ASB18: variants seen among roughly 807,000 people sequenced by gnomAD.
The protein encoded by ASB18 is ankyrin repeat and SOCS box protein 18.
ASB18 carries 33 observed loss-of-function variants against 33.4 expected under a neutral mutation model. The observed-to-expected ratio is 0.99, with a 90% CI of 0.75 to 1.32. The LOEUF is 1.32. Among genes scored for constraint, ASB18 ranks in the 40% most tolerant of loss-of-function variants. ASB18 has a pLI of 0.00. For synonymous variants in ASB18, 295 were observed against 307.6 expected (o/e 0.96, Z 0.43); for missense variants, 694 against 655.5 (o/e 1.06, Z -0.64).
At position 236,211,908 on chromosome 2, in the gene ASB18, A is replaced by G. The variant is rs532229924; in HGVS notation, c.1101+2454T>C. On this transcript the variant is annotated intron_variant, in intron 4 of 5. Transcript: ENST00000409749. This position sits in a 1 kb window ranked among gnomAD's most constrained non-coding sequence, Gnocchi z 5.0. The stretch of plus-strand genomic sequence containing the variant: ...GAGGTGTGGGGGAATCCCAGTGCAA[A>G]AAGGTGGAATCCTTATTTCCAAAGA... Among the ~76,000 whole-genome samples, 1 of 152,200 alleles carries G rather than the reference A, an allele frequency of 6.6e-6. No homozygotes were observed. Among genetic ancestry groups the G allele is most frequent in the African/African-American group, 2.4e-5 (1 of 41,538 alleles).
At chr2:236,197,823 A>AG (rs2060381508) in intron 4 of ASB18, among the ~76,000 whole-genome samples, 3 of 49,778 alleles carry the variant, frequency 6.0e-5, no homozygotes, top group African/African-American at 1.1e-3. Context: ...ACTCAGTCTC[A>AG]AAAAAAAAAA....
chr2:236,241,144 T>A lies in ASB18; in HGVS notation c.328+136A>T. Reference sequence around the variant, plus strand: ...AACCTACACTTTACTGCGAGCAAACTTCATCAGATGTCCTTTTCTTGTGTA... The same window carrying A: ...AACCTACACTTTACTGCGAGCAAACATCATCAGATGTCCTTTTCTTGTGTA... On this transcript the variant is annotated intron_variant, in intron 2 of 5. Coordinates refer to ENST00000409749, the MANE Select transcript of ASB18 (RefSeq NM_212556.4). The surrounding 1 kb of genome is among the most constrained non-coding windows in gnomAD (Gnocchi z 4.2). 1 of 892,930 alleles carries A rather than the reference T, an allele frequency of 1.1e-6. No individual in the cohort carries two copies. Among genetic ancestry groups the A allele is most frequent in the East Asian group, 2.4e-5 (1 of 41,228 alleles). 55.3% of individuals were successfully genotyped at this position (892,930 alleles called of 1,614,324 possible).
In ASB18 at chr2:236,248,033, C is replaced by G. The variant is rs13416480; in HGVS notation, c.206-6631G>C. On this transcript the variant is annotated intron_variant, in intron 1 of 5. Coordinates refer to ENST00000409749, the MANE Select transcript of ASB18 (RefSeq NM_212556.4). This position sits in a 1 kb window ranked among gnomAD's most constrained non-coding sequence, Gnocchi z 4.9. ...GACAGGGTTATCATAAATATGCAGA[C>G]GGGGTGTAGGCAGCAACATGCAATG... The G allele has an allele frequency of 6.6e-6, 1 of 151,946 alleles. No homozygotes were observed. Among genetic ancestry groups the G allele is most frequent in the Non-Finnish European group, 1.5e-5 (1 of 68,002 alleles). The allele number at this position is 151,946 out of a possible 1,614,324, so 9.4% of individuals were successfully genotyped here.
In ASB18 at chr2:236,263,228, G is replaced by T. The variant is rs368878895; in HGVS notation, c.205+913C>A. Among the ~76,000 whole-genome samples the T allele has an allele frequency of 6.6e-6, 1 of 152,198 alleles. No individual in the cohort carries two copies. The highest frequency in any genetic ancestry group is 2.4e-5 in the African/African-American group (1 of 41,426). Reference sequence around the variant, plus strand: ...AACAAAGGGATGATGTCTATGTTACGTGAAGAAGTCCTACAAAATGATAAA... The same window carrying T: ...AACAAAGGGATGATGTCTATGTTACTTGAAGAAGTCCTACAAAATGATAAA... On this transcript the variant is annotated intron_variant, in intron 1 of 5. Transcript: ENST00000409749. The surrounding 1 kb of genome is among the most constrained non-coding windows in gnomAD (Gnocchi z 4.0).
In ASB18 at chr2:236,256,409, A is replaced by G. The variant is rs575842339; in HGVS notation, c.205+7732T>C. On this transcript the variant is annotated intron_variant, in intron 1 of 5. Coordinates refer to ENST00000409749, the MANE Select transcript of ASB18 (RefSeq NM_212556.4). The surrounding 1 kb of genome is among the most constrained non-coding windows in gnomAD (Gnocchi z 4.7). ...GTCCCTGTCCAATATCCAGGTGCAG[A>G]GGTTGGCATTAAAAGATAGTGGGGC... Among the ~76,000 whole-genome samples, 42 of 152,280 alleles carry G rather than the reference A, an allele frequency of 2.8e-4. 1 individual carries two copies. Among genetic ancestry groups the G allele is most frequent in the Middle Eastern group, 6.8e-3 (2 of 294 alleles).
rs140838356 is a variant in ASB18, at chr2:236,262,615, C to T, written c.205+1526G>A. On this transcript the variant is annotated intron_variant, in intron 1 of 5. Transcript: ENST00000409749. The surrounding 1 kb of genome is among the most constrained non-coding windows in gnomAD (Gnocchi z 5.2). ...TCAGCCTCGGGGGGGTGCTTGGGCA[C>T]GGTGGGCCTAAAGGGTGAATGCAAG... Among the ~76,000 whole-genome samples the T allele has an allele frequency of 1.9e-3, 286 of 152,310 alleles. No homozygotes were observed. Among genetic ancestry groups the T allele is most frequent in the Non-Finnish European group, 2.9e-3 (196 of 68,020 alleles).
chr2:236,258,901 G>T (rs1402503105), intron 1 of ASB18, among the ~76,000 whole-genome samples: 1 of 152,114 alleles, frequency 6.6e-6, no homozygotes, highest in Non-Finnish European at 1.5e-5. Context: ...AATTCAAGTA[G>T]CATCTTGACT....
At position 236,196,322 on chromosome 2, in the gene ASB18, G is replaced by A. The variant is rs2060373453; in HGVS notation, c.1165C>T (p.Leu389Phe). 1.9e-6 allele frequency: 3 copies of A among 1,566,330 alleles called. No homozygotes were observed. The highest frequency in any genetic ancestry group is 2.7e-5 in the African/African-American group (2 of 73,598). Reference sequence around the variant, plus strand: ...TCCTTCCAGGACTCTGACAAGCAGAGCTGAGGGTAGGAGTTGAAAAGCACC... The same window carrying A: ...TCCTTCCAGGACTCTGACAAGCAGAACTGAGGGTAGGAGTTGAAAAGCACC... The part of the protein sequence containing the change: ...IEVLFNSYPQ[L>F]CLSESWKEVI... Residue 389 changes from leucine to phenylalanine, a missense_variant, in exon 5 of 6, where the codon CTC (leucine) becomes TTC (phenylalanine). Leu to Phe is a conservative substitution (Grantham distance 22). Transcript: ENST00000409749. This position sits in a 1 kb window ranked among gnomAD's most constrained non-coding sequence, Gnocchi z 5.6.
At chr2:236,254,517 G>A (rs1306157233) in intron 1 of ASB18, among the ~76,000 whole-genome samples, 1 of 151,726 alleles carries the variant, frequency 6.6e-6, no homozygotes, top group Non-Finnish European at 1.5e-5. Context: ...ACGTTTGGTA[G>A]TTATTTCTTT....
intron 3 of ASB18, among the ~76,000 whole-genome samples, chr2:236,224,960 G>GGAAA (rs2106273690): frequency 6.6e-6 from 1 of 152,196 alleles, no homozygotes; most frequent in African/African-American, 2.4e-5. Context: ...CCTGGGATGT[G>GGAAA]GAAAGAATGT....
intron 4 of ASB18, among the ~76,000 whole-genome samples, chr2:236,202,765 G>A (rs1287209969): frequency 1.6e-5 from 2 of 123,074 alleles, no homozygotes; most frequent in Non-Finnish European, 1.6e-5. Flanking sequence ...GCGACAGAGT[G>A]AGACTCCGTC....
intron 3 of ASB18, among the ~76,000 whole-genome samples, chr2:236,224,903 A>G (rs2060530303): frequency 6.6e-6 from 1 of 152,164 alleles, no homozygotes; most frequent in African/African-American, 2.4e-5. Context: ...GTCCTATCAA[A>G]CAAGACCATG....
Position 236,211,887 on chromosome 2 carries a change from T to C in ASB18, c.1101+2475A>G, listed in dbSNP as rs1559329306. ...CAGGTGTAGGGGTACCCACTGGAGGTGTGGGGGAATCCCAGTGCAAAAAGG... is the reference window on the plus strand; with the variant it reads ...CAGGTGTAGGGGTACCCACTGGAGGCGTGGGGGAATCCCAGTGCAAAAAGG... On this transcript the variant is annotated intron_variant, in intron 4 of 5. Transcript: ENST00000409749. This position sits in a 1 kb window ranked among gnomAD's most constrained non-coding sequence, Gnocchi z 5.0. Among the ~76,000 whole-genome samples the C allele has an allele frequency of 6.6e-6, 1 of 151,958 alleles. No homozygotes were observed. Among genetic ancestry groups the C allele is most frequent in the Non-Finnish European group, 1.5e-5 (1 of 67,988 alleles).
At chr2:236,258,795 A>G (rs1469014579) in intron 1 of ASB18, among the ~76,000 whole-genome samples, 2 of 152,156 alleles carry the variant, frequency 1.3e-5, no homozygotes, top group Non-Finnish European at 2.9e-5. Flanking sequence ...TCTCTTAATA[A>G]AAACTCAATT....
At position 236,256,299 on chromosome 2, in the gene ASB18, T is replaced by G. The variant is rs568002961; in HGVS notation, c.205+7842A>C. Among the ~76,000 whole-genome samples the G allele has an allele frequency of 6.6e-6, 1 of 152,168 alleles. No homozygotes were observed. Among genetic ancestry groups the G allele is most frequent in the African/African-American group, 2.4e-5 (1 of 41,512 alleles). On this transcript the variant is annotated intron_variant, in intron 1 of 5. Coordinates refer to ENST00000409749, the MANE Select transcript of ASB18 (RefSeq NM_212556.4). This position sits in a 1 kb window ranked among gnomAD's most constrained non-coding sequence, Gnocchi z 4.7. ...ACCTTAGCCTCCCAAAGTGCTGGGG[T>G]TACAGGCATGAACCACCATGCCCGG...
intron 4 of ASB18, among the ~76,000 whole-genome samples, chr2:236,201,980 C>T (rs2060405552): frequency 6.6e-6 from 1 of 151,304 alleles, no homozygotes; most frequent in Non-Finnish European, 1.5e-5. Context: ...GACAGAGCCT[C>T]ACTCTGTCAC....
chr2:236,220,172 T>TG lies in ASB18; in HGVS notation c.597-5307dup, dbSNP rs2060504304. On this transcript the variant is annotated intron_variant, in intron 3 of 5. Transcript: ENST00000409749. This position sits in a 1 kb window ranked among gnomAD's most constrained non-coding sequence, Gnocchi z 5.1. The stretch of plus-strand genomic sequence containing the variant: ...GTCATTCCAATTCATGTCTATGGGG[T>TG]GGGGGGATGTGGGACTTTGGCCACT... 6.6e-6 allele frequency among the ~76,000 whole-genome samples: 1 copy of TG among 152,104 alleles called. No homozygotes were observed. The highest frequency in any genetic ancestry group is 1.5e-5 in the Non-Finnish European group (1 of 68,016).
Position 236,214,322 on chromosome 2 carries a change from A to G in ASB18, c.1101+40T>C. On this transcript the variant is annotated intron_variant, in intron 4 of 5. Coordinates refer to ENST00000409749, the MANE Select transcript of ASB18 (RefSeq NM_212556.4). This position sits in a 1 kb window ranked among gnomAD's most constrained non-coding sequence, Gnocchi z 6.5. ...CCCAGGCCGGTCACTAAGTGGCAAA[A>G]CTCCAGGGCACGTGCCAGCCGGGCT... is the stretch of plus-strand genomic sequence containing the variant. 6.5e-7 allele frequency: 1 copy of G among 1,538,272 alleles called. No individual in the cohort carries two copies. The highest frequency in any genetic ancestry group is 8.7e-7 in the Non-Finnish European group (1 of 1,145,692).
Position 236,257,816 on chromosome 2 carries a change from G to A in ASB18, c.205+6325C>T, listed in dbSNP as rs2060699990. Among the ~76,000 whole-genome samples the A allele has an allele frequency of 6.6e-6, 1 of 152,176 alleles. No homozygotes were observed. Among genetic ancestry groups the A allele is most frequent in the Admixed American group, 6.5e-5 (1 of 15,280 alleles). On this transcript the variant is annotated intron_variant, in intron 1 of 5. Transcript: ENST00000409749. This position sits in a 1 kb window ranked among gnomAD's most constrained non-coding sequence, Gnocchi z 5.5. Reference sequence around the variant, plus strand: ...ACAGGTGCCGTGGAGCACGGGAAAGGGCACTGGGTTTACAGTGCCAATTGT... The same window carrying A: ...ACAGGTGCCGTGGAGCACGGGAAAGAGCACTGGGTTTACAGTGCCAATTGT...
Sources: allele counts gnomAD v4.1 joint callset (sites outside exome capture counted in the v4.1 genomes callset), GRCh38; gene constraint gnomAD v4.1.1; non-coding constraint Gnocchi (gnomAD v3.1); transcripts MANE v1.5; gene names NCBI Gene and HGNC (gene_info 2026-07-23, HGNC 2026-07-21).